The following KIAA1549L variants were observed in gnomAD, a reference collection of about 807,000 sequenced individuals.
The protein encoded by KIAA1549L is KIAA1549 like.
In KIAA1549L, 88 loss-of-function variants were observed where a neutral mutation model predicts 160.7. The ratio of observed to expected loss-of-function variants is 0.55; its 90% confidence interval spans 0.46 to 0.65. The LOEUF (loss-of-function observed/expected upper bound fraction) is 0.65. Among genes scored for constraint, KIAA1549L ranks in the 30% least tolerant of loss-of-function variants. The probability of loss-of-function intolerance (pLI) is 0.00; values close to 1 mark genes in which losing one functional copy is unlikely to be tolerated. For synonymous variants in KIAA1549L, 950 were observed against 976.7 expected (o/e 0.97, Z 0.51); for missense variants, 2,258 against 2,437.5 (o/e 0.93, Z 1.55).
At chr11:33,455,271 G>A (rs1459906598) in intron 1 of KIAA1549L, among the ~76,000 whole-genome samples, 2 of 152,206 alleles carry the variant, frequency 1.3e-5, no homozygotes, top group Non-Finnish European at 2.9e-5. Context: ...GTCCAGAATG[G>A]TAGCCACAGT....
intron 1 of KIAA1549L, among the ~76,000 whole-genome samples, chr11:33,379,236 G>A (rs1471356662): frequency 6.6e-6 from 1 of 152,170 alleles, no homozygotes; most frequent in Admixed American, 6.5e-5. Flanking sequence ...CAATTGTTCA[G>A]CACCTTCCTG....
chr11:33,521,111 C>T (rs1355744705), intron 1 of KIAA1549L, among the ~76,000 whole-genome samples: 1 of 152,132 alleles, frequency 6.6e-6, no homozygotes, highest in Non-Finnish European at 1.5e-5. Context: ...TTCCAGGCTG[C>T]AGTGAACTAT....
At chr11:33,448,918 C>G (rs1327372582) in intron 1 of KIAA1549L, among the ~76,000 whole-genome samples, 1 of 152,164 alleles carries the variant, frequency 6.6e-6, no homozygotes, top group Non-Finnish European at 1.5e-5. Context: ...GTTTCCCCCT[C>G]AGTGACTCAC....
intron 18 of KIAA1549L, among the ~76,000 whole-genome samples, chr11:33,657,398 G>C (rs538574513): frequency 1.3e-5 from 2 of 152,132 alleles, no homozygotes; most frequent in East Asian, 3.9e-4. Context: ...TATCGGGGGT[G>C]GGGGGTGCAC....
In KIAA1549L at chr11:33,435,814, G is replaced by GTATATATATATATA. The variant is rs751404275; in HGVS notation, c.238+58926_238+58927insATATATATATATAT. ...TATATATATATATATATATATATGT[G>GTATATATATATATA]TGTGTATATATATATATGTATATGT... On this transcript the variant is annotated intron_variant, in intron 1 of 20. Coordinates refer to ENST00000658780, the MANE Select transcript of KIAA1549L (RefSeq NM_012194.3). Among the ~76,000 whole-genome samples, 16 of 32,744 alleles carry GTATATATATATATA rather than the reference G, an allele frequency of 4.9e-4. 2 individuals carry two copies. Among genetic ancestry groups the GTATATATATATATA allele is most frequent in the East Asian group, 1.3e-3 (2 of 1,508 alleles). The allele number at this position is 32,744 out of a possible 152,430, so 21.5% of individuals were successfully genotyped here.
chr11:33,389,555 T>A (rs1850233434), intron 1 of KIAA1549L, among the ~76,000 whole-genome samples: 1 of 150,826 alleles, frequency 6.6e-6, no homozygotes, highest in Non-Finnish European at 1.5e-5. Flanking sequence ...CCTGTTATTA[T>A]CTTATTAATA....
chr11:33,531,290 T>C (rs965266325), intron 1 of KIAA1549L, among the ~76,000 whole-genome samples: 4 of 152,144 alleles, frequency 2.6e-5, no homozygotes, highest in African/African-American at 9.7e-5. Context: ...CTAATCAATA[T>C]GGTAAAACCC....
chr11:33,550,863 A>G (rs1247561498), intron 4 of KIAA1549L, among the ~76,000 whole-genome samples, 177 bp from the exon 5 acceptor site: 1 of 152,208 alleles, frequency 6.6e-6, no homozygotes, highest in Non-Finnish European at 1.5e-5. Context: ...TTTTTGTGAT[A>G]TTTTGAGACT....
rs1461791461 is a variant in KIAA1549L, at chr11:33,530,424, AAAAAAAAAAAAAATATATATATATAT to A, written c.239-11376_239-11351del. ...CTAAAGAAGAAGAAGGAAAAAAAAAAAAAAAAAAAAAAATATATATATATATATATATATATATATATATATATATA... is the reference window on the plus strand; with the variant it reads ...CTAAAGAAGAAGAAGGAAAAAAAAAAATATATATATATATATATATATATA... On this transcript the variant is annotated intron_variant, in intron 1 of 20. Coordinates refer to ENST00000658780, the MANE Select transcript of KIAA1549L (RefSeq NM_012194.3). 9.0e-4 allele frequency among the ~76,000 whole-genome samples: 17 copies of A among 18,960 alleles called. 2 individuals are homozygous for A. The highest frequency in any genetic ancestry group is 6.9e-3 in the South Asian group (6 of 870). 12.4% of individuals were successfully genotyped at this position (18,960 alleles called of 152,430 possible). A position where few individuals can be genotyped will look rare whatever the true frequency, so the allele number is the denominator to read the frequency against.
chr11:33,509,445 T>C (rs1048223006), intron 1 of KIAA1549L, among the ~76,000 whole-genome samples: 2 of 152,206 alleles, frequency 1.3e-5, no homozygotes, highest in African/African-American at 4.8e-5. Flanking sequence ...AGGTACAAAG[T>C]CAAGCAAGCT....
chr11:33,507,956 T>G (rs1021673177), intron 1 of KIAA1549L, among the ~76,000 whole-genome samples: 1 of 152,198 alleles, frequency 6.6e-6, no homozygotes, highest in Non-Finnish European at 1.5e-5. Context: ...AGTTGAACTT[T>G]CAGGAATAAC....
intron 20 of KIAA1549L, among the ~76,000 whole-genome samples, chr11:33,663,853 C>G (rs1412101204): frequency 1.3e-5 from 2 of 152,148 alleles, no homozygotes; most frequent in Non-Finnish European, 2.9e-5. Flanking sequence ...GCATCAGGAG[C>G]AATAACTGTT....
intron 5 of KIAA1549L, 33 bp downstream of exon 5, chr11:33,551,292 A>G: frequency 2.5e-6 from 4 of 1,580,948 alleles, no homozygotes; most frequent in South Asian, 2.2e-5. Flanking sequence ...ATTTTCATCC[A>G]TTCTTGGGTT....
intron 1 of KIAA1549L, among the ~76,000 whole-genome samples, chr11:33,518,808 T>C (rs1853416008): frequency 6.6e-6 from 1 of 152,248 alleles, no homozygotes; most frequent in African/African-American, 2.4e-5. Context: ...AGGTTGAGTA[T>C]TCCTTATCTG....
intron 16 of KIAA1549L, among the ~76,000 whole-genome samples, chr11:33,622,110 G>A (rs947376613): frequency 7.9e-5 from 12 of 152,146 alleles, no homozygotes; most frequent in Non-Finnish European, 1.2e-4. Flanking sequence ...GCATCTCAAA[G>A]AGGCGATCAC....
At chr11:33,648,182 GA>G (rs1394833567) in intron 17 of KIAA1549L, among the ~76,000 whole-genome samples, 2 of 151,868 alleles carry the variant, frequency 1.3e-5, no homozygotes, top group South Asian at 4.2e-4. Flanking sequence ...TTTTAGTAGA[GA>G]GGGGGTTTCA....
chr11:33,415,045 C>T (rs941948366), intron 1 of KIAA1549L, among the ~76,000 whole-genome samples: 1 of 151,978 alleles, frequency 6.6e-6, no homozygotes, highest in African/African-American at 2.4e-5. Context: ...GTTGCCAAAT[C>T]AATGACTCTT....
chr11:33,400,566 G>A (rs769414132), intron 1 of KIAA1549L, among the ~76,000 whole-genome samples: 1 of 152,206 alleles, frequency 6.6e-6, no homozygotes, highest in Non-Finnish European at 1.5e-5. Context: ...AGAGAATCAT[G>A]TACCAGCAAC....
rs143905824 is a variant in KIAA1549L, at chr11:33,604,694, C to T, written c.4880-1947C>T. Among the ~76,000 whole-genome samples the T allele has an allele frequency of 2.8e-3, 426 of 152,228 alleles. 2 individuals are homozygous for T. Among genetic ancestry groups the T allele is most frequent in the African/African-American group, 9.6e-3 (400 of 41,536 alleles). On this transcript the variant is annotated intron_variant, in intron 13 of 20. Transcript: ENST00000658780. ...GAGGCCATTATTCTAAGTGAAGTAA[C>T]TCAGGAATGGAAAACCAAATACTAT...
Sources: allele counts gnomAD v4.1 joint callset (sites outside exome capture counted in the v4.1 genomes callset), GRCh38; gene constraint gnomAD v4.1.1; transcripts MANE v1.5; gene names NCBI Gene and HGNC (gene_info 2026-07-23, HGNC 2026-07-21).